The following GALNT10 variants were observed in gnomAD, a reference collection of about 807,000 sequenced individuals.
GALNT10 encodes polypeptide N-acetylgalactosaminyltransferase 10.
GALNT10 carries 41 observed loss-of-function variants against 75.0 expected under a neutral mutation model. The observed-to-expected ratio is 0.55, with a 90% CI of 0.43 to 0.71. GALNT10 has a LOEUF of 0.71. GALNT10 is among the 30% of genes least tolerant of loss of function. GALNT10 has a pLI of 0.00. For missense variants in GALNT10, 727 were observed against 818.5 expected (o/e 0.89, Z 1.36); for synonymous variants, 302 against 313.0 (o/e 0.96, Z 0.37).
At chr5:154,245,301 G>A (rs1489588107) in intron 1 of GALNT10, among the ~76,000 whole-genome samples, 1 of 152,176 alleles carries the variant, frequency 6.6e-6, no homozygotes, top group East Asian at 1.9e-4. Context: ...GGGGAGGTGA[G>A]GGACAGGTGA....
chr5:154,213,623 G>A (rs76321915), intron 1 of GALNT10, among the ~76,000 whole-genome samples: 3,802 of 152,074 alleles, frequency 0.025, 78 homozygotes, highest in Middle Eastern at 0.13. Flanking sequence ...CCCTTACTGT[G>A]TGGCCCAGAC....
chr5:154,347,337 C>T, intron 4 of GALNT10: 1 of 421,208 alleles, frequency 2.4e-6, no homozygotes, highest in Non-Finnish European at 4.5e-6. Context: ...TTCCTGTTAC[C>T]TCCTATGTGG....
At chr5:154,386,215 A>T in intron 6 of GALNT10, 98 bp from the exon 7 acceptor site, 1 of 846,898 alleles carries the variant, frequency 1.2e-6, no homozygotes, top group Non-Finnish European at 1.9e-6. Flanking sequence ...AGGGAGCAGC[A>T]TGGAACACCG....
At chr5:154,244,347 G>T (rs1341522278) in intron 1 of GALNT10, among the ~76,000 whole-genome samples, 1 of 152,042 alleles carries the variant, frequency 6.6e-6, no homozygotes, top group Non-Finnish European at 1.5e-5. Context: ...TGGGAGGATT[G>T]CTTGAGGCTG....
rs750346864 is a variant in GALNT10 at position 154,416,664 on chromosome 5, G to A, written c.1654-150G>A. 9.4e-6 allele frequency: 6 copies of A among 636,650 alleles called. 1 individual carries two copies. The highest frequency in any genetic ancestry group is 1.7e-5 in the Non-Finnish European group (6 of 357,328). The allele number at this position is 636,650 out of a possible 1,614,324, so 39.4% of individuals were successfully genotyped here. ...CTGCAAGGGAGGCTGGGCAGCATCCGGCTTGTGAGCTCAGGAGGAAAACCA... is the reference window on the plus strand; with the variant it reads ...CTGCAAGGGAGGCTGGGCAGCATCCAGCTTGTGAGCTCAGGAGGAAAACCA... On this transcript the variant is annotated intron_variant, in intron 11 of 11. Transcript: ENST00000297107. This position sits in a 1 kb window ranked among gnomAD's most constrained non-coding sequence, Gnocchi z 4.5.
chr5:154,194,556 C>G (rs975191656), intron 1 of GALNT10, among the ~76,000 whole-genome samples: 4 of 152,188 alleles, frequency 2.6e-5, no homozygotes, highest in African/African-American at 9.6e-5. Flanking sequence ...AGGAGTCCAG[C>G]TGAGGAAGGC....
At chr5:154,205,545 G>A (rs1276773513) in intron 1 of GALNT10, among the ~76,000 whole-genome samples, 1 of 152,162 alleles carries the variant, frequency 6.6e-6, no homozygotes, top group African/African-American at 2.4e-5. Context: ...GGGCTCATGG[G>A]TTGAATCATG....
At chr5:154,256,731 T>G (rs1168610809) in intron 1 of GALNT10, among the ~76,000 whole-genome samples, 6 of 152,124 alleles carry the variant, frequency 3.9e-5, no homozygotes, top group African/African-American at 1.4e-4. Flanking sequence ...ATTTTCCCCC[T>G]TGTTCCAGAG....
At chr5:154,262,647 G>A (rs1310523583) in intron 1 of GALNT10, among the ~76,000 whole-genome samples, 1 of 152,134 alleles carries the variant, frequency 6.6e-6, no homozygotes, top group Non-Finnish European at 1.5e-5. Flanking sequence ...TTAAGAGGTT[G>A]AGAAGCATTT....
intron 9 of GALNT10, among the ~76,000 whole-genome samples, chr5:154,411,859 A>C (rs889015252): frequency 2.0e-5 from 3 of 152,224 alleles, no homozygotes; most frequent in Admixed American, 1.3e-4. Flanking sequence ...GGAGACTAGG[A>C]GAGCCATGAG....
At chr5:154,401,838 G>A (rs529014412) in intron 7 of GALNT10, among the ~76,000 whole-genome samples, 10 of 152,230 alleles carry the variant, frequency 6.6e-5, no homozygotes, top group South Asian at 2.1e-4. Flanking sequence ...CAATCCCCAC[G>A]ACCTCATCGA....
intron 7 of GALNT10, chr5:154,387,433 A>G (rs188011583): frequency 1.2e-4 from 19 of 152,354 alleles, no homozygotes; most frequent in Admixed American, 9.8e-4. Flanking sequence ...TAGCACCATT[A>G]CTGATCTGAC....
At chr5:154,401,579 GA>G (rs745704681) in intron 7 of GALNT10, among the ~76,000 whole-genome samples, 22 of 152,254 alleles carry the variant, frequency 1.4e-4, no homozygotes, top group Admixed American at 4.6e-4. Flanking sequence ...CCATTATCTC[GA>G]GACCAATGTT....
chr5:154,211,830 T>C (rs1384843417), intron 1 of GALNT10, among the ~76,000 whole-genome samples: 1 of 152,140 alleles, frequency 6.6e-6, no homozygotes, highest in Admixed American at 6.5e-5. Context: ...CCCTGAAGCA[T>C]GGCAGCTCAC....
rs150772847 is a variant in GALNT10, at chr5:154,228,563, T to C, written c.159+37538T>C. Among the ~76,000 whole-genome samples, 34 of 152,348 alleles carry C rather than the reference T, an allele frequency of 2.2e-4. No homozygotes were observed. In the East Asian group the frequency reaches 5.8e-3, roughly 26 times the overall value. ...TCAGATCTCCCAGGTACTCTGATTATGGACCAAAAACCTGTACGAGAGCTG... is the reference window on the plus strand; with the variant it reads ...TCAGATCTCCCAGGTACTCTGATTACGGACCAAAAACCTGTACGAGAGCTG... On this transcript the variant is annotated intron_variant, in intron 1 of 11. Transcript: ENST00000297107.
At chr5:154,348,009 C>A (rs1755154307) in intron 4 of GALNT10, among the ~76,000 whole-genome samples, 1 of 152,176 alleles carries the variant, frequency 6.6e-6, no homozygotes. Context: ...TGCAAGGTAT[C>A]ATTTAAAGAG....
intron 2 of GALNT10, among the ~76,000 whole-genome samples, 166 bp downstream of exon 2, chr5:154,295,084 A>T (rs73804388): frequency 0.17 from 25,557 of 151,776 alleles, 2,284 homozygotes; most frequent in Non-Finnish European, 0.18. Flanking sequence ...CCTTCCCCTG[A>T]TTCCCAGATG....
At chr5:154,213,262 C>T (rs1752800677) in intron 1 of GALNT10, among the ~76,000 whole-genome samples, 1 of 152,166 alleles carries the variant, frequency 6.6e-6, no homozygotes, top group Admixed American at 6.5e-5. Context: ...GTGGTAACTA[C>T]AGCTACCACT....
intron 1 of GALNT10, among the ~76,000 whole-genome samples, chr5:154,272,542 T>G (rs1753882916): frequency 6.6e-6 from 1 of 152,028 alleles, no homozygotes; most frequent in Admixed American, 6.6e-5. Context: ...TGTAATGGAG[T>G]ATAGTGGGCA....
Sources: gnomAD v4.1 joint callset for allele counts (sites outside exome capture counted in the v4.1 genomes callset) on GRCh38, gnomAD v4.1.1 for gene constraint, Gnocchi (gnomAD v3.1) non-coding constraint, MANE v1.5 for transcripts, NCBI Gene and HGNC (gene_info 2026-07-23, HGNC 2026-07-21) for gene names.